The following MAP4 variants were observed in gnomAD, a reference collection of about 807,000 sequenced individuals.
The protein encoded by MAP4 is microtubule-associated protein 4.
MAP4 carries 76 observed loss-of-function variants against 170.2 expected under a neutral mutation model. The ratio of observed to expected loss-of-function variants is 0.45; its 90% confidence interval spans 0.37 to 0.54. The LOEUF is 0.54. Ranked by LOEUF, MAP4 falls within the 20% of genes least tolerant of loss-of-function variation. The pLI is 0.00. For synonymous variants in MAP4, 909 were observed against 994.5 expected, an observed-to-expected ratio of 0.91 and a Z score of 1.62; for missense variants, 2,506 against 2,748.0, an observed-to-expected ratio of 0.91 and a Z score of 1.97.
In MAP4 at chr3:47,916,798, G is replaced by C; in HGVS notation, c.1029C>G (p.Ala343=). Residue 343 remains alanine, a synonymous_variant, in exon 7 of 21, where the codon GCC becomes GCG. Transcript: ENST00000683076. Reference sequence around the variant, plus strand: ...TCAACAGTGTCACATCCTTGGCTGGGGCTACCTCTGTTTCTGTGGGCAGTA... The same window carrying C: ...TCAACAGTGTCACATCCTTGGCTGGCGCTACCTCTGTTTCTGTGGGCAGTA... The part of the protein sequence containing the change: ...NVVLPTETEV[A]PAKDVTLLKE... The C allele has an allele frequency of 6.2e-7, 1 of 1,614,138 alleles. No homozygotes were observed. Among genetic ancestry groups the C allele is most frequent in the Non-Finnish European group, 8.5e-7 (1 of 1,180,030 alleles).
intron 17 of MAP4, among the ~76,000 whole-genome samples, chr3:47,858,586 G>GGTGTGTGTGT (rs59208724): frequency 0.045 from 6,573 of 145,204 alleles, 490 homozygotes; most frequent in African/African-American, 0.16. Context: ...GTGAGGGGGT[G>GGTGTGTGTGT]GTGTGTGTGT....
chr3:47,984,669 T>TA (rs534215967), intron 2 of MAP4, among the ~76,000 whole-genome samples: 2,594 of 143,906 alleles, frequency 0.018, 62 homozygotes, highest in African/African-American at 0.051. Context: ...CTGTCTCTAT[T>TA]AAAAAAAAAA....
At chr3:47,973,412 A>G (rs1443149236) in intron 3 of MAP4, 1 of 985,266 alleles carries the variant, frequency 1.0e-6, no homozygotes, top group African/African-American at 1.7e-5. Flanking sequence ...TCATTATGGG[A>G]CTGGCTACTT....
rs371280122 is a variant in MAP4 at position 48,009,090 on chromosome 3, T to TTTG, written c.-20+7241_-20+7243dup. Among the ~76,000 whole-genome samples, 546 of 151,776 alleles carry TTTG rather than the reference T, an allele frequency of 3.6e-3. 4 individuals are homozygous for TTTG. Among genetic ancestry groups the TTTG allele is most frequent in the African/African-American group, 7.6e-3 (314 of 41,420 alleles). ...TACCATTTGTGGAATGTTTTTTTGGTTTGTTGTTGTTGTTGTTGTTGTTGT... is the reference window on the plus strand; with the variant it reads ...TACCATTTGTGGAATGTTTTTTTGGTTTGTTGTTGTTGTTGTTGTTGTTGTTGT... On this transcript the variant is annotated intron_variant, in intron 1 of 20. Coordinates refer to ENST00000683076, the MANE Select transcript of MAP4 (RefSeq NM_001385682.1).
intron 10 of MAP4, among the ~76,000 whole-genome samples, chr3:47,890,631 G>A (rs2098389458): frequency 6.6e-6 from 1 of 152,172 alleles, no homozygotes; most frequent in African/African-American, 2.4e-5. Context: ...GGGATTGAAG[G>A]ATTTAGAGCT....
chr3:48,032,917 C>G (rs1579412144), intron 1 of MAP4, among the ~76,000 whole-genome samples: 1 of 152,142 alleles, frequency 6.6e-6, no homozygotes. Context: ...CCTTGTTGAT[C>G]ACAGAGAGAC....
chr3:47,934,607 C>G (rs1407547850), intron 3 of MAP4, among the ~76,000 whole-genome samples: 1 of 152,144 alleles, frequency 6.6e-6, no homozygotes, highest in Admixed American at 6.5e-5. Context: ...AGTCTGCTTT[C>G]TTATAAACAA....
chr3:47,882,871 A>G (rs575684325), intron 10 of MAP4, among the ~76,000 whole-genome samples: 27 of 152,124 alleles, frequency 1.8e-4, no homozygotes, highest in Admixed American at 9.2e-4. Context: ...TAGTGGCACA[A>G]TCTCGGCTCA....
intron 10 of MAP4, among the ~76,000 whole-genome samples, chr3:47,884,079 C>CA (rs1426338025): frequency 6.6e-6 from 1 of 152,186 alleles, no homozygotes; most frequent in Non-Finnish European, 1.5e-5. Flanking sequence ...AACAGTTGTT[C>CA]AGCCTTGCAT....
chr3:47,941,786 CAA>C (rs35079131), intron 3 of MAP4, among the ~76,000 whole-genome samples: 13 of 61,558 alleles, frequency 2.1e-4, no homozygotes, highest in African/African-American at 3.1e-4. Context: ...GACTCCGTCT[CAA>C]AAAAAAAAAA....
At chr3:48,046,440 A>T (rs1156556826) in intron 1 of MAP4, among the ~76,000 whole-genome samples, 2 of 152,268 alleles carry the variant, frequency 1.3e-5, no homozygotes, top group Non-Finnish European at 2.9e-5. Context: ...GTGAAAGTGT[A>T]TATGAGAACC....
chr3:47,962,524 T>G (rs2100072228), intron 3 of MAP4, among the ~76,000 whole-genome samples: 1 of 152,214 alleles, frequency 6.6e-6, no homozygotes, highest in Admixed American at 6.5e-5. Flanking sequence ...TAGTGACTAT[T>G]CCCTATATCT....
chr3:47,897,446 C>A (rs192932987), intron 10 of MAP4, among the ~76,000 whole-genome samples: 2 of 151,974 alleles, frequency 1.3e-5, no homozygotes, highest in Non-Finnish European at 2.9e-5. Flanking sequence ...TTTTTGTGAT[C>A]ATTGAAGTAC....
At chr3:47,927,996 T>C (rs1424336723) in intron 4 of MAP4, among the ~76,000 whole-genome samples, 2 of 152,228 alleles carry the variant, frequency 1.3e-5, no homozygotes, top group South Asian at 2.1e-4. Context: ...CTTCAGTGTA[T>C]ATGAATTTCA....
intron 10 of MAP4, among the ~76,000 whole-genome samples, chr3:47,883,414 G>C (rs964898590): frequency 6.6e-6 from 1 of 151,974 alleles, no homozygotes; most frequent in Non-Finnish European, 1.5e-5. Flanking sequence ...AGTAGAGACG[G>C]GGGTTTCTCC....
intron 10 of MAP4, chr3:47,891,725 A>G: frequency 1.3e-6 from 2 of 1,536,696 alleles, no homozygotes; most frequent in Non-Finnish European, 1.7e-6. Context: ...GGTGAACACC[A>G]TAGTGATTGG....
intron 3 of MAP4, among the ~76,000 whole-genome samples, chr3:47,962,834 C>T (rs975688300): frequency 1.6e-4 from 24 of 152,124 alleles, no homozygotes; most frequent in African/African-American, 5.1e-4. Flanking sequence ...AATGCCTGTT[C>T]GTTTTACACA....
intron 1 of MAP4, among the ~76,000 whole-genome samples, chr3:48,035,995 A>C (rs756937568): frequency 6.6e-6 from 1 of 152,120 alleles, no homozygotes; most frequent in Non-Finnish European, 1.5e-5. Flanking sequence ...AGACCATTCT[A>C]ATCACTTTAC....
chr3:47,902,964 C>T lies in MAP4; in HGVS notation c.5420G>A (p.Gly1807Glu), dbSNP rs2153384195. Reference protein sequence around the residue: ...LSSSTVYQQLGMSVYGIARPE... With the variant: ...LSSSTVYQQLEMSVYGIARPE... The stretch of plus-strand genomic sequence containing the variant: ...GAGTTTCTCACCATAAACTGACATT[C>T]CCAGCTGCTGGTAGACAGTTGATGA... Residue 1807 changes from glycine to glutamate, a missense_variant, in exon 10 of 21, where the codon GGA becomes GAA. Physicochemically the swap from Gly to Glu is moderately conservative, Grantham distance 98. This residue lies in a region of MAP4 where 2,008 missense variants were observed against 2,206.0 expected (regional missense o/e 0.91). Coordinates refer to ENST00000683076, the MANE Select transcript of MAP4 (RefSeq NM_001385682.1). The T allele has an allele frequency of 1.0e-6, 1 of 985,160 alleles. No homozygotes were observed. Among genetic ancestry groups the T allele is most frequent in the East Asian group, 1.1e-4 (1 of 8,804 alleles). 61.0% of individuals were successfully genotyped at this position (985,160 alleles called of 1,614,324 possible). A position where few individuals can be genotyped will look rare whatever the true frequency, so the allele number is the denominator to read the frequency against.
Sources: gnomAD v4.1 joint callset for allele counts (sites outside exome capture counted in the v4.1 genomes callset) on GRCh38, gnomAD v4.1.1 for gene constraint, gnomAD v4.1.1 regional missense constraint, MANE v1.5 for transcripts, NCBI Gene and HGNC (gene_info 2026-07-23, HGNC 2026-07-21) for gene names.